Variants in SLC24A4 observed in about 807,000 individuals in gnomAD.
SLC24A4 encodes the protein solute carrier family 24 member 4.
SLC24A4 carries 53 observed loss-of-function variants against 79.0 expected under a neutral mutation model. The observed-to-expected ratio is 0.67, with a 90% CI of 0.54 to 0.84. The LOEUF is 0.84. SLC24A4 is among the 40% of genes least tolerant of loss of function. SLC24A4 has a pLI of 0.00. For missense variants in SLC24A4, 731 were observed against 822.0 expected, an observed-to-expected ratio of 0.89 and a Z score of 1.35; for synonymous variants, 323 against 323.8, an observed-to-expected ratio of 1.00 and a Z score of 0.03.
intron 9 of SLC24A4, among the ~76,000 whole-genome samples, chr14:92,448,345 T>TACACACACACACACACACAC (rs71877757): frequency 0.096 from 12,592 of 131,740 alleles, 858 homozygotes; most frequent in East Asian, 0.14. Flanking sequence ...TCCCACTACA[T>TACACACACACACACACACAC]ACACACACAC....
intron 2 of SLC24A4, among the ~76,000 whole-genome samples, chr14:92,331,379 G>A (rs1002094626): frequency 3.3e-5 from 5 of 152,268 alleles, no homozygotes; most frequent in Middle Eastern, 3.4e-3. Flanking sequence ...GACCTTCCAG[G>A]CTCAAGCCAT....
chr14:92,410,892 A>G (rs1202714102), intron 2 of SLC24A4, among the ~76,000 whole-genome samples: 1 of 152,194 alleles, frequency 6.6e-6, no homozygotes, highest in African/African-American at 2.4e-5. Flanking sequence ...CGTTATTGCA[A>G]GTTTGGTATT....
intron 2 of SLC24A4, among the ~76,000 whole-genome samples, chr14:92,393,996 G>A (rs1275102964): frequency 6.6e-6 from 1 of 151,746 alleles, no homozygotes; most frequent in East Asian, 2.0e-4. Flanking sequence ...GTGTGAAAGA[G>A]CGAGATTTGG....
intron 2 of SLC24A4, among the ~76,000 whole-genome samples, chr14:92,347,331 A>G (rs1354640420): frequency 2.0e-5 from 3 of 152,228 alleles, no homozygotes; most frequent in Non-Finnish European, 4.4e-5. Flanking sequence ...TGGTGTGTCC[A>G]TTCGTGATAT....
rs1276150058 is a variant in SLC24A4, at chr14:92,372,867, C to CCCTTCCTTCCTT, written c.241+46930_241+46941dup. On this transcript the variant is annotated intron_variant, in intron 2 of 16. Coordinates refer to ENST00000532405, the MANE Select transcript of SLC24A4 (RefSeq NM_153646.4). ...CCTCTAGAACAGAAAGGGTCACTGT[C>CCCTTCCTTCCTT]CCTTCCTTCCTTCCTTCCTTCCTTC... Among the ~76,000 whole-genome samples, 784 of 109,854 alleles carry CCCTTCCTTCCTT rather than the reference C, an allele frequency of 7.1e-3. 41 individuals carry two copies. Among genetic ancestry groups the CCCTTCCTTCCTT allele is most frequent in the African/African-American group, 0.026 (715 of 27,956 alleles). 72.1% of individuals were successfully genotyped at this position (109,854 alleles called of 152,430 possible). A position where few individuals can be genotyped will look rare whatever the true frequency, so the allele number is the denominator to read the frequency against.
At chr14:92,451,588 C>A (rs1400614307) in intron 10 of SLC24A4, 1 of 152,228 alleles carries the variant, frequency 6.6e-6, no homozygotes. Flanking sequence ...CAGGCCCGAT[C>A]GAGCTGTTCT....
At chr14:92,475,979 G>A (rs1274320909) in intron 12 of SLC24A4, among the ~76,000 whole-genome samples, 3 of 152,226 alleles carry the variant, frequency 2.0e-5, no homozygotes, top group Non-Finnish European at 4.4e-5. Context: ...ATGGTGGGCC[G>A]TGACACTGGC....
intron 10 of SLC24A4, among the ~76,000 whole-genome samples, chr14:92,449,983 G>C (rs1415449349): frequency 6.6e-6 from 1 of 152,216 alleles, no homozygotes. Context: ...CCTTTGTTGG[G>C]GCAGCTGCCG....
At position 92,497,553 on chromosome 14, in the gene SLC24A4, A is replaced by AAAGAGC. The variant is rs1895971887; in HGVS notation, c.*3932_*3937dup. 1 of 152,288 alleles carries AAAGAGC rather than the reference A, an allele frequency of 6.6e-6. No individual in the cohort carries two copies. Among genetic ancestry groups the AAAGAGC allele is most frequent in the Non-Finnish European group, 1.5e-5 (1 of 68,112 alleles). The allele number at this position is 152,288 out of a possible 1,614,324, so 9.4% of individuals were successfully genotyped here. On this transcript the variant is annotated 3_prime_UTR_variant, in exon 17 of 17. Coordinates refer to ENST00000532405, the MANE Select transcript of SLC24A4 (RefSeq NM_153646.4). ...AGGATCAGAGTTCATCCCCCCTGGG[A>AAAGAGC]AAGAGCAAGAGCGAATGAATCCCAG...
At position 92,454,696 on chromosome 14, in the gene SLC24A4, T is replaced by A. The variant is rs575376127; in HGVS notation, c.1050+627T>A. Among the ~76,000 whole-genome samples the A allele has an allele frequency of 3.3e-5, 5 of 152,364 alleles. No homozygotes were observed. In the East Asian group the frequency reaches 9.6e-4, roughly 29 times the overall value. On this transcript the variant is annotated intron_variant, in intron 11 of 16. Transcript: ENST00000532405. ...AACTGTGATCGCTGATAATTAGTAGTTAACACATAGATTGTATGCAAGAAC... is the reference window on the plus strand; with the variant it reads ...AACTGTGATCGCTGATAATTAGTAGATAACACATAGATTGTATGCAAGAAC...
In SLC24A4 at chr14:92,499,133, C is replaced by G. The variant is rs1334630840; in HGVS notation, c.*5505C>G. ...AGTCTCTGTTAAATCCTCAAACATT[C>G]ACAAGCACACACTGCCAGGGGCACG... On this transcript the variant is annotated 3_prime_UTR_variant, in exon 17 of 17. Transcript: ENST00000532405. 2.0e-5 allele frequency: 3 copies of G among 152,236 alleles called. No individual in the cohort carries two copies. The highest frequency in any genetic ancestry group is 4.4e-5 in the Non-Finnish European group (3 of 68,050). 9.4% of individuals were successfully genotyped at this position (152,236 alleles called of 1,614,324 possible). A position where few individuals can be genotyped will look rare whatever the true frequency, so the allele number is the denominator to read the frequency against.
At chr14:92,363,524 CT>C (rs1887651740) in intron 2 of SLC24A4, among the ~76,000 whole-genome samples, 1 of 152,224 alleles carries the variant, frequency 6.6e-6, no homozygotes, top group Admixed American at 6.5e-5. Flanking sequence ...CCAGATTGAC[CT>C]TCTGAAAGGT....
In SLC24A4 at chr14:92,355,726, G is replaced by C. The variant is rs558874590; in HGVS notation, c.241+29748G>C. Among the ~76,000 whole-genome samples, 92 of 152,298 alleles carry C rather than the reference G, an allele frequency of 6.0e-4. 1 individual carries two copies. The highest frequency in any genetic ancestry group is 6.0e-3 in the South Asian group (29 of 4,828). On this transcript the variant is annotated intron_variant, in intron 2 of 16. Transcript: ENST00000532405. ...GAGACCCTGTTATCATACCTTGGAG[G>C]ATCTGCCTGCATTCTGTAGCTGGAG...
intron 11 of SLC24A4, among the ~76,000 whole-genome samples, chr14:92,456,198 A>G (rs7156567): frequency 0.41 from 61,894 of 151,982 alleles, 12,983 homozygotes; most frequent in African/African-American, 0.49. Context: ...TAAATCCTCA[A>G]AGTTTTCCTG....
chr14:92,488,775 G>A (rs1007088103), intron 14 of SLC24A4, among the ~76,000 whole-genome samples: 1 of 152,236 alleles, frequency 6.6e-6, no homozygotes, highest in Admixed American at 6.5e-5. Flanking sequence ...TCATGCCAGC[G>A]CCAGCGGTGC....
intron 2 of SLC24A4, among the ~76,000 whole-genome samples, chr14:92,369,038 C>A (rs1367493735): frequency 1.3e-5 from 2 of 152,172 alleles, no homozygotes; most frequent in Non-Finnish European, 2.9e-5. Flanking sequence ...ACTCTAAAGA[C>A]CCTGCCTCCA....
intron 2 of SLC24A4, among the ~76,000 whole-genome samples, chr14:92,433,249 G>C (rs8018815): frequency 0.079 from 11,980 of 152,222 alleles, 756 homozygotes; most frequent in African/African-American, 0.15. Flanking sequence ...TGATGATTTT[G>C]AATGTGGCAG....
At chr14:92,451,585 G>T (rs1409750431) in intron 10 of SLC24A4, 1 of 152,218 alleles carries the variant, frequency 6.6e-6, no homozygotes, top group Non-Finnish European at 1.5e-5. Context: ...TCTCAGGCCC[G>T]ATCGAGCTGT....
At chr14:92,442,591 C>A in intron 5 of SLC24A4, 122 bp from the exon 6 acceptor site, 1 of 669,616 alleles carries the variant, frequency 1.5e-6, no homozygotes. Context: ...CATTCTCTTC[C>A]GCTTCACGGG....
Sources: gnomAD v4.1 joint callset for allele counts (sites outside exome capture counted in the v4.1 genomes callset) on GRCh38, gnomAD v4.1.1 for gene constraint, MANE v1.5 for transcripts, NCBI Gene and HGNC (gene_info 2026-07-23, HGNC 2026-07-21) for gene names.